Variants in DCC observed in about 807,000 individuals in gnomAD.
The protein encoded by DCC is netrin receptor DCC.
Under a neutral mutation model 172.5 loss-of-function variants are expected in DCC, and 58 were observed. The observed-to-expected ratio is 0.34, with a 90% CI of 0.27 to 0.42. The LOEUF (loss-of-function observed/expected upper bound fraction) is 0.42. Ranked by LOEUF, DCC falls within the 10% of genes least tolerant of loss-of-function variation. DCC has a pLI of 1.00. For synonymous variants in DCC, 709 were observed against 644.5 expected, an observed-to-expected ratio of 1.10 and a Z score of -1.52; for missense variants, 1,740 against 1,791.0, an observed-to-expected ratio of 0.97 and a Z score of 0.51.
intron 8 of DCC, among the ~76,000 whole-genome samples, chr18:53,168,523 C>T (rs1382219383): frequency 7.5e-6 from 1 of 133,872 alleles, no homozygotes; most frequent in African/African-American, 2.8e-5. Flanking sequence ...AATGAGAGCA[C>T]ATGGACACAG....
intron 5 of DCC, among the ~76,000 whole-genome samples, chr18:52,996,772 CTTTTT>C (rs66600556): frequency 9.4e-5 from 11 of 117,134 alleles, no homozygotes; most frequent in South Asian, 5.6e-4. Flanking sequence ...TCACCTTTTT[CTTTTT>C]TTTTTTTTTT....
intron 10 of DCC, among the ~76,000 whole-genome samples, chr18:53,205,873 T>C (rs916769803): frequency 1.3e-5 from 2 of 151,974 alleles, no homozygotes; most frequent in African/African-American, 4.8e-5. Context: ...TACATTTTGC[T>C]CCTACCCAAT....
chr18:52,953,000 C>CAAAAAAAAAAAAAAAA (rs11315976), intron 5 of DCC, among the ~76,000 whole-genome samples: 2 of 52,218 alleles, frequency 3.8e-5, no homozygotes, highest in Non-Finnish European at 6.3e-5. Flanking sequence ...TCTCCTGTCT[C>CAAAAAAAAAAAAAAAA]AAAAAAAAAA....
chr18:53,244,295 T>TA (rs995102421), intron 12 of DCC, among the ~76,000 whole-genome samples: 7 of 152,316 alleles, frequency 4.6e-5, no homozygotes, highest in Admixed American at 3.9e-4. Flanking sequence ...TGCATGGACT[T>TA]ACAGTTAAAA....
In DCC at chr18:53,346,406, T is replaced by C. The variant is rs564897328; in HGVS notation, c.2359+6499T>C. Among the ~76,000 whole-genome samples, 314 of 152,306 alleles carry C rather than the reference T, an allele frequency of 2.1e-3. 1 individual carries two copies. Among genetic ancestry groups the C allele is most frequent in the African/African-American group, 7.1e-3 (295 of 41,578 alleles). On this transcript the variant is annotated intron_variant, in intron 15 of 28. Coordinates refer to ENST00000442544, the MANE Select transcript of DCC (RefSeq NM_005215.4). ...ACCACATTCCCTCTGAGACTATAAT[T>C]ATATGTATTTTAGACATTTGAATTT...
intron 1 of DCC, among the ~76,000 whole-genome samples, chr18:52,677,017 A>C (rs74629327): frequency 0.03 from 4,619 of 152,224 alleles, 247 homozygotes; most frequent in African/African-American, 0.11. Context: ...AACATAATAA[A>C]TCCTCTAATA....
Position 53,435,221 on chromosome 18 carries a change from A to C in DCC, c.3229+12A>C, listed in dbSNP as rs1440325126. 6.6e-7 allele frequency: 1 copy of C among 1,510,452 alleles called. No homozygotes were observed. Among genetic ancestry groups the C allele is most frequent in the East Asian group, 2.3e-5 (1 of 44,384 alleles). 93.6% of individuals were successfully genotyped at this position (1,510,452 alleles called of 1,614,324 possible). A position where few individuals can be genotyped will look rare whatever the true frequency, so the allele number is the denominator to read the frequency against. ...AAGCACCCTAAATGGTAAGTATATA[A>C]ATTAGGTAATATTGAATTAGTTATA... On this transcript the variant is annotated intron_variant, in intron 22 of 28. Transcript: ENST00000442544.
At chr18:53,502,851 A>T (rs574186465) in intron 27 of DCC, among the ~76,000 whole-genome samples, 58 of 149,526 alleles carry the variant, frequency 3.9e-4, no homozygotes, top group East Asian at 9.9e-4. Context: ...TTTTTTTTTT[A>T]AATTTATTTT....
intron 1 of DCC, among the ~76,000 whole-genome samples, chr18:52,610,174 AAAAAATATATATATATATATATATAT>A (rs2034237000): frequency 2.6e-4 from 4 of 15,646 alleles, no homozygotes; most frequent in African/African-American, 2.8e-4. Context: ...AAAAAAAAAA[AAAAAATATATATATATATATATATAT>A]ATATATATAT....
intron 15 of DCC, among the ~76,000 whole-genome samples, chr18:53,355,728 T>G (rs994862810): frequency 1.3e-5 from 2 of 152,202 alleles, no homozygotes; most frequent in African/African-American, 4.8e-5. Context: ...AGGGACAGTT[T>G]GACTTCCTCT....
At chr18:52,525,108 G>T (rs144039532) in intron 1 of DCC, among the ~76,000 whole-genome samples, 1 of 151,228 alleles carries the variant, frequency 6.6e-6, no homozygotes. Flanking sequence ...CCATTCTCTC[G>T]TATTTAGGAG....
intron 15 of DCC, among the ~76,000 whole-genome samples, chr18:53,343,005 A>T (rs191970978): frequency 1.2e-4 from 18 of 151,360 alleles, no homozygotes; most frequent in Admixed American, 1.2e-3. Flanking sequence ...AGAATACAAG[A>T]GATTTTTTAA....
chr18:53,163,075 T>C (rs908728285), intron 8 of DCC, among the ~76,000 whole-genome samples: 50 of 152,256 alleles, frequency 3.3e-4, no homozygotes, highest in African/African-American at 1.2e-3. Context: ...ATTACTGTTA[T>C]GGCCTTGGCC....
intron 1 of DCC, among the ~76,000 whole-genome samples, chr18:52,618,699 T>C (rs2144855170): frequency 6.6e-6 from 1 of 152,314 alleles, no homozygotes; most frequent in South Asian, 2.1e-4. Context: ...AATGACACAA[T>C]TCTTCAGCTG....
intron 24 of DCC, among the ~76,000 whole-genome samples, chr18:53,459,839 C>T (rs1286877079): frequency 6.6e-6 from 1 of 152,012 alleles, no homozygotes; most frequent in African/African-American, 2.4e-5. Context: ...TTCCTTATTT[C>T]GATAGATAAT....
At chr18:52,637,628 T>C (rs536326262) in intron 1 of DCC, among the ~76,000 whole-genome samples, 3 of 151,900 alleles carry the variant, frequency 2.0e-5, no homozygotes, top group African/African-American at 7.3e-5. Context: ...GAAAAAAGAG[T>C]AAGAAAATAT....
chr18:52,510,586 A>T (rs2031401555), intron 1 of DCC, among the ~76,000 whole-genome samples: 1 of 152,134 alleles, frequency 6.6e-6, no homozygotes, highest in Admixed American at 6.5e-5. Context: ...ATTTCCACTC[A>T]TTCCTAACTC....
intron 1 of DCC, among the ~76,000 whole-genome samples, chr18:52,630,641 C>T (rs779669023): frequency 1.3e-5 from 2 of 151,938 alleles, no homozygotes; most frequent in Non-Finnish European, 2.9e-5. Context: ...ACCTTTATGA[C>T]GGTGAGATTT....
intron 13 of DCC, among the ~76,000 whole-genome samples, chr18:53,315,744 G>T (rs1459200092): frequency 6.6e-6 from 1 of 151,572 alleles, no homozygotes; most frequent in Non-Finnish European, 1.5e-5. Context: ...ATATTTTTTG[G>T]CCCCAGGAAT....
Sources: gnomAD v4.1 joint callset for allele counts (sites outside exome capture counted in the v4.1 genomes callset) on GRCh38, gnomAD v4.1.1 for gene constraint, MANE v1.5 for transcripts, NCBI Gene and HGNC (gene_info 2026-07-23, HGNC 2026-07-21) for gene names.